The following PTK2 variants were observed in gnomAD, a reference collection of about 807,000 sequenced individuals.
PTK2 encodes the protein protein tyrosine kinase 2, also known as focal adhesion kinase 1.
Under a neutral mutation model 150.1 loss-of-function variants are expected in PTK2, and 45 were observed. The ratio of observed to expected loss-of-function variants is 0.30; its 90% CI spans 0.24 to 0.38. PTK2 has a LOEUF of 0.38. Ranked by LOEUF, PTK2 falls within the 10% of genes least tolerant of loss-of-function variation. The pLI is 1.00. For missense variants in PTK2, 919 were observed against 1,307.3 expected, an observed-to-expected ratio of 0.70 and a Z score of 4.58; for synonymous variants, 432 against 449.2, an observed-to-expected ratio of 0.96 and a Z score of 0.48.
intron 23 of PTK2, among the ~76,000 whole-genome samples, chr8:140,709,186 C>G (rs1439781582): frequency 3.9e-5 from 6 of 152,090 alleles, no homozygotes; most frequent in African/African-American, 1.4e-4. Context: ...TGATGCTATT[C>G]TATGACAAGC....
chr8:140,694,243 A>G (rs1035376460), intron 26 of PTK2, among the ~76,000 whole-genome samples: 6 of 151,918 alleles, frequency 3.9e-5, no homozygotes, highest in Admixed American at 2.0e-4. Flanking sequence ...GGGTTTCACC[A>G]TGTTAGCCAG....
rs116510890 is a variant in PTK2 at position 140,719,585 on chromosome 8, G to A, written c.2031-1876C>T. 4.5e-3 allele frequency among the ~76,000 whole-genome samples: 687 copies of A among 152,304 alleles called. 4 individuals carry two copies. Among genetic ancestry groups the A allele is most frequent in the African/African-American group, 0.016 (646 of 41,566 alleles). ...GGCTATGAGAGCATCTGCTATAAGC[G>A]TTAGTTGTCATCAGTGGGTATTTCT... On this transcript the variant is annotated intron_variant, in intron 22 of 31. Transcript: ENST00000522684.
In PTK2 at chr8:140,743,223, T is replaced by A. The variant is rs772143088; in HGVS notation, c.1735+7A>T. On this transcript the variant is annotated splice_region_variant and intron_variant, in intron 20 of 31. Transcript: ENST00000522684. ...CCTATTTCTTAGGTACTACTCTGAT[T>A]TCTTACCTTTGTAGTAAGTACTATC... is the stretch of plus-strand genomic sequence containing the variant. 1.3e-6 allele frequency: 2 copies of A among 1,562,488 alleles called. No individual in the cohort carries two copies. The highest frequency in any genetic ancestry group is 1.8e-6 in the Non-Finnish European group (2 of 1,134,452).
intron 19 of PTK2, 94 bp from the exon 23 acceptor site, chr8:140,743,424 G>C: frequency 1.2e-6 from 1 of 856,546 alleles, no homozygotes. Flanking sequence ...CACTTTGAAA[G>C]ACAGCTTATA....
chr8:140,981,887 G>A (rs758894324), intron 1 of PTK2, among the ~76,000 whole-genome samples: 9 of 152,126 alleles, frequency 5.9e-5, no homozygotes, highest in Non-Finnish European at 1.2e-4. Flanking sequence ...TGACTTGGGT[G>A]TCCTTCCTCC....
At chr8:140,924,735 A>C (rs148011893) in intron 2 of PTK2, among the ~76,000 whole-genome samples, 1 of 152,326 alleles carries the variant, frequency 6.6e-6, no homozygotes, top group East Asian at 1.9e-4. Context: ...TGAGAAGAGA[A>C]AAATGGACAT....
intron 3 of PTK2, among the ~76,000 whole-genome samples, chr8:140,886,214 A>C (rs2100152226): frequency 6.6e-6 from 1 of 152,236 alleles, no homozygotes; most frequent in South Asian, 2.1e-4. Flanking sequence ...TAACCCTTTG[A>C]CTGGAGCACT....
chr8:140,736,630 G>C (rs1345128877), intron 21 of PTK2, among the ~76,000 whole-genome samples: 1 of 152,078 alleles, frequency 6.6e-6, no homozygotes, highest in Non-Finnish European at 1.5e-5. Context: ...AGAACTGGTG[G>C]CGTAAAGGAT....
At chr8:140,748,718 G>A (rs757356610) in intron 17 of PTK2, among the ~76,000 whole-genome samples, 23 of 152,256 alleles carry the variant, frequency 1.5e-4, no homozygotes, top group Non-Finnish European at 2.6e-4. Flanking sequence ...ACATATCTGT[G>A]TGTGAACATG....
Position 140,942,183 on chromosome 8 carries a change from T to C in PTK2, c.-121-16434A>G, listed in dbSNP as rs79936155. Among the ~76,000 whole-genome samples, 1,180 of 152,324 alleles carry C rather than the reference T, an allele frequency of 7.7e-3. 14 individuals carry two copies. The highest frequency in any genetic ancestry group is 0.026 in the African/African-American group (1,092 of 41,572). ...CATGAACCTCTGCACCTAGACTTACTATGTACATTCTTAATTCTAGCAGTT... is the reference window on the plus strand; with the variant it reads ...CATGAACCTCTGCACCTAGACTTACCATGTACATTCTTAATTCTAGCAGTT... On this transcript the variant is annotated intron_variant, in intron 1 of 31. Transcript: ENST00000522684.
chr8:140,808,593 C>A (rs2100099493), intron 10 of PTK2, among the ~76,000 whole-genome samples: 1 of 151,758 alleles, frequency 6.6e-6, no homozygotes, highest in Non-Finnish European at 1.5e-5. Flanking sequence ...TGCTCATAAG[C>A]CAATATGAAA....
chr8:140,744,681 T>C (rs768388176), exon 19 of PTK2: 20 of 1,599,234 alleles, frequency 1.3e-5, no homozygotes, highest in Admixed American at 1.7e-5. Flanking sequence ...TCTCTAGATA[T>C]GCAAGAGCTG....
At chr8:140,841,199 A>C (rs565594997) in intron 7 of PTK2, among the ~76,000 whole-genome samples, 2 of 152,302 alleles carry the variant, frequency 1.3e-5, no homozygotes, top group East Asian at 3.9e-4. Context: ...AACTGATCAC[A>C]CAAAGCAAAT....
chr8:140,689,609 T>C (rs924602735), intron 26 of PTK2, among the ~76,000 whole-genome samples: 3 of 152,248 alleles, frequency 2.0e-5, no homozygotes, highest in Non-Finnish European at 2.9e-5. Flanking sequence ...ACATCCTTAT[T>C]TTTAGGAAAT....
At chr8:140,765,251 T>A (rs1289398635) in intron 14 of PTK2, 1 of 152,224 alleles carries the variant, frequency 6.6e-6, no homozygotes, top group Non-Finnish European at 1.5e-5. Flanking sequence ...TGACCTAGCA[T>A]CCTTGTTTAA....
chr8:140,738,638 G>C (rs1413211214), intron 21 of PTK2, among the ~76,000 whole-genome samples: 1 of 152,164 alleles, frequency 6.6e-6, no homozygotes, highest in Non-Finnish European at 1.5e-5. Flanking sequence ...GGGTTGGAGG[G>C]GCCAAGTGTT....
At chr8:140,900,442 C>G (rs1316393652) in intron 2 of PTK2, among the ~76,000 whole-genome samples, 1 of 152,086 alleles carries the variant, frequency 6.6e-6, no homozygotes, top group Non-Finnish European at 1.5e-5. Context: ...TGAAGAGGGG[C>G]TGGGTGTGGT....
At position 140,664,848 on chromosome 8, in the gene PTK2, C is replaced by T; in HGVS notation, c.2946+69G>A. 2.0e-6 allele frequency: 3 copies of T among 1,489,480 alleles called. No individual in the cohort carries two copies. In the African/African-American group the frequency reaches 4.1e-5, roughly 21 times the overall value. The allele number at this position is 1,489,480 out of a possible 1,614,324, so 92.3% of individuals were successfully genotyped here. A position where few individuals can be genotyped will look rare whatever the true frequency, so the allele number is the denominator to read the frequency against. ...GACTGAGGAGCGGCCTTCAGCACCA[C>T]AGGCATCCCTGAATGTGTCCCTGCC... On this transcript the variant is annotated intron_variant, in intron 31 of 31. Transcript: ENST00000522684.
intron 7 of PTK2, among the ~76,000 whole-genome samples, chr8:140,841,596 A>G (rs996890612): frequency 6.6e-6 from 1 of 152,128 alleles, no homozygotes; most frequent in African/African-American, 2.4e-5. Context: ...CGATTTTACT[A>G]CATTAAAGAA....
Sources: gnomAD v4.1 joint callset for allele counts (sites outside exome capture counted in the v4.1 genomes callset) on GRCh38, gnomAD v4.1.1 for gene constraint, MANE v1.5 for transcripts, NCBI Gene and HGNC (gene_info 2026-07-23, HGNC 2026-07-21) for gene names.